Variants in UBA2 observed in about 807,000 individuals in gnomAD.
The protein encoded by UBA2 is SUMO-activating enzyme subunit 2.
Under a neutral mutation model 77.2 loss-of-function variants are expected in UBA2, and 11 were observed. That is an observed-to-expected ratio of 0.14 (90% CI 0.09 to 0.24). The LOEUF is 0.24. Among genes scored for constraint, UBA2 ranks in the 10% least tolerant of loss-of-function variants. The pLI, the probability that UBA2 is intolerant of heterozygous loss-of-function variation, is 1.00. For synonymous variants in UBA2, 278 were observed against 276.7 expected (o/e 1.00, Z -0.05); for missense variants, 487 against 781.7 (o/e 0.62, Z 4.50).
intron 1 of UBA2, 55 bp from the exon 2 acceptor site, chr19:34,430,521 A>G (rs1431142625): frequency 1.5e-6 from 2 of 1,371,656 alleles, no homozygotes; most frequent in East Asian, 4.6e-5. Flanking sequence ...GAGTAGTGAT[A>G]CAGCTCAAAC....
At chr19:34,432,380 G>A (rs2075265354) in intron 3 of UBA2, among the ~76,000 whole-genome samples, 1 of 152,158 alleles carries the variant, frequency 6.6e-6, no homozygotes, top group African/African-American at 2.4e-5. Context: ...ATTTATCTCA[G>A]TAAAGATAGA....
chr19:34,439,503 A>C (rs1405733385), intron 6 of UBA2, among the ~76,000 whole-genome samples: 4 of 152,198 alleles, frequency 2.6e-5, no homozygotes, highest in African/African-American at 4.8e-5. Context: ...AATCCAATTT[A>C]AGTTAGAAAA....
chr19:34,468,114 T>G (rs1168229654), intron 16 of UBA2, among the ~76,000 whole-genome samples: 2 of 152,202 alleles, frequency 1.3e-5, no homozygotes, highest in East Asian at 1.9e-4. Context: ...TGTATTCTGA[T>G]TTGAATATTT....
chr19:34,433,990 T>C (rs1419521623), intron 4 of UBA2, among the ~76,000 whole-genome samples: 1 of 151,852 alleles, frequency 6.6e-6, no homozygotes, highest in Non-Finnish European at 1.5e-5. Context: ...GAGGGTGGGG[T>C]GGGGGATGCT....
intron 6 of UBA2, among the ~76,000 whole-genome samples, chr19:34,439,296 T>C (rs1260016430): frequency 4.6e-5 from 7 of 152,158 alleles, no homozygotes; most frequent in Non-Finnish European, 1.0e-4. Context: ...TAAAAATCTT[T>C]ATATTTGGAA....
chr19:34,430,564 A>G lies in UBA2; in HGVS notation c.139-12A>G. The G allele has an allele frequency of 1.2e-6, 2 of 1,604,118 alleles. No individual in the cohort carries two copies. The highest frequency in any genetic ancestry group is 1.7e-6 in the Non-Finnish European group (2 of 1,171,960). ...AACGTTTGTCATTTATCTGGGGTTT[A>G]TGCATTTGTAGATTGATCTGGATAC... On this transcript the variant is annotated splice_polypyrimidine_tract_variant and intron_variant, in intron 1 of 16. Transcript: ENST00000246548.
chr19:34,462,788 A>ACCTC (rs2075645910), intron 14 of UBA2, among the ~76,000 whole-genome samples: 1 of 152,156 alleles, frequency 6.6e-6, no homozygotes, highest in Admixed American at 6.5e-5. Flanking sequence ...CAACATGGCA[A>ACCTC]AACCTCATCT....
chr19:34,453,138 C>G (rs987312463), intron 10 of UBA2, among the ~76,000 whole-genome samples: 3 of 152,116 alleles, frequency 2.0e-5, no homozygotes, highest in African/African-American at 7.2e-5. Flanking sequence ...CTCACCACAC[C>G]TTATGAGATG....
Position 34,435,045 on chromosome 19 carries a change from T to G in UBA2, c.459+77T>G, listed in dbSNP as rs998335272. The G allele has an allele frequency of 5.6e-6, 6 of 1,067,506 alleles. No homozygotes were observed. The African/African-American group carries it at 9.8e-5, about 17-fold the overall frequency. 66.1% of individuals were successfully genotyped at this position (1,067,506 alleles called of 1,614,324 possible). A position where few individuals can be genotyped will look rare whatever the true frequency, so the allele number is the denominator to read the frequency against. On this transcript the variant is annotated intron_variant, in intron 5 of 16. Coordinates refer to ENST00000246548, the MANE Select transcript of UBA2 (RefSeq NM_005499.3). ...GGAGCAGGAGGAAATAAACTTTGTA[T>G]TTATATAAAATGAACAGGTGAACAT... is the stretch of plus-strand genomic sequence containing the variant.
At chr19:34,463,955 C>CT in intron 14 of UBA2, 71 bp from the exon 15 acceptor site, 1 of 1,141,838 alleles carries the variant, frequency 8.8e-7, no homozygotes, top group Non-Finnish European at 1.3e-6. Flanking sequence ...AGAGGTTTAG[C>CT]TTTTTAAAAA....
intron 5 of UBA2, among the ~76,000 whole-genome samples, chr19:34,438,071 T>G (rs2075329080): frequency 6.6e-6 from 1 of 152,042 alleles, no homozygotes; most frequent in Non-Finnish European, 1.5e-5. Context: ...AAAAGAAACG[T>G]ATATCAATAA....
chr19:34,428,656 G>C, intron 1 of UBA2, 86 bp downstream of exon 1: 1 of 1,166,398 alleles, frequency 8.6e-7, no homozygotes, highest in Non-Finnish European at 1.1e-6. Flanking sequence ...GGGCTCTGAG[G>C]CTCAGGGCCC....
intron 8 of UBA2, among the ~76,000 whole-genome samples, chr19:34,449,954 C>A (rs965401417): frequency 2.6e-5 from 4 of 152,160 alleles, no homozygotes; most frequent in African/African-American, 4.8e-5. Flanking sequence ...GTGCTTCAGA[C>A]TGATCTTTGG....
intron 16 of UBA2, among the ~76,000 whole-genome samples, chr19:34,467,637 G>A (rs556765865): frequency 3.3e-5 from 5 of 152,182 alleles, no homozygotes; most frequent in East Asian, 1.9e-4. Context: ...TTAGCTGGGC[G>A]TGGCAGCATG....
At chr19:34,429,010 A>C in intron 1 of UBA2, 3 of 985,452 alleles carry the variant, frequency 3.0e-6, no homozygotes, top group Non-Finnish European at 3.6e-6. Context: ...ATAGCGACCA[A>C]CGCGTCCCGA....
At chr19:34,456,107 T>TTTC (rs2075558993) in intron 12 of UBA2, among the ~76,000 whole-genome samples, 1 of 41,956 alleles carries the variant, frequency 2.4e-5, no homozygotes, top group Non-Finnish European at 1.0e-4. Context: ...TTTCTTTTTC[T>TTTC]TTTTTTTTTT....
chr19:34,430,649 C>A lies in UBA2; in HGVS notation c.212C>A (p.Ser71Ter). ...FLFQKKHVGR[S>*]KAQVAKESVL... ...TTTCAAAAGAAACATGTTGGAAGAT[C>A]AAAGGCACAGGTAACTATATTTCTC... is the stretch of plus-strand genomic sequence containing the variant. Residue 71 changes from serine to a stop codon, truncating the protein, a stop_gained, in exon 2 of 17, where the codon TCA becomes TAA. Transcript: ENST00000246548. LOFTEE classifies it high-confidence loss of function. The A allele has an allele frequency of 6.2e-7, 1 of 1,612,846 alleles. No homozygotes were observed. Among genetic ancestry groups the A allele is most frequent in the South Asian group, 1.1e-5 (1 of 91,030 alleles).
chr19:34,455,386 G>A (rs1042775495), intron 12 of UBA2, among the ~76,000 whole-genome samples: 1 of 152,110 alleles, frequency 6.6e-6, no homozygotes, highest in African/African-American at 2.4e-5. Flanking sequence ...TTAGTGGTGG[G>A]TGGGGTAGGT....
intron 10 of UBA2, among the ~76,000 whole-genome samples, chr19:34,452,879 A>G (rs1198821979): frequency 1.3e-5 from 2 of 152,220 alleles, no homozygotes; most frequent in Admixed American, 6.5e-5. Flanking sequence ...TGAAGCTAGT[A>G]TATTTAGATT....
Sources: gnomAD v4.1 joint callset for allele counts (sites outside exome capture counted in the v4.1 genomes callset) on GRCh38, gnomAD v4.1.1 for gene constraint, MANE v1.5 for transcripts, NCBI Gene and HGNC (gene_info 2026-07-23, HGNC 2026-07-21) for gene names.